The following NSUN6 variants were observed in gnomAD, a reference collection of about 807,000 sequenced individuals.
NSUN6 encodes NOP2/Sun RNA methyltransferase 6.
Under a neutral mutation model 58.0 loss-of-function variants are expected in NSUN6, and 64 were observed. The ratio of observed to expected loss-of-function variants is 1.10; its 90% CI spans 0.90 to 1.36. NSUN6 has a LOEUF of 1.36. NSUN6 is among the 40% of genes most tolerant of loss of function. The pLI, the probability that NSUN6 is intolerant of heterozygous loss-of-function variation, is 0.00. For missense variants in NSUN6, 701 were observed against 550.1 expected, an observed-to-expected ratio of 1.27 and a Z score of -2.74; for synonymous variants, 231 against 193.9, an observed-to-expected ratio of 1.19 and a Z score of -1.59.
intron 8 of NSUN6, among the ~76,000 whole-genome samples, chr10:18,564,157 GTCCATTCCATTT>G (rs2055750695): frequency 7.1e-6 from 1 of 140,094 alleles, no homozygotes; most frequent in African/African-American, 2.7e-5. Flanking sequence ...CTCCATTACA[GTCCATTCCATTT>G]TCCATTCCAT....
chr10:18,563,408 T>C (rs1188794049), intron 8 of NSUN6, among the ~76,000 whole-genome samples: 1 of 147,426 alleles, frequency 6.8e-6, no homozygotes, highest in African/African-American at 2.5e-5. Flanking sequence ...GAGAATGGTA[T>C]GGAACGGAAT....
upstream of NSUN6, chr10:18,652,973 C>T (rs905054822): frequency 1.0e-6 from 1 of 984,044 alleles, no homozygotes. Context: ...AGAGCCAATA[C>T]CTTGTCCTTG....
chr10:18,592,768 C>T (rs754018526), intron 7 of NSUN6, among the ~76,000 whole-genome samples: 1 of 152,116 alleles, frequency 6.6e-6, no homozygotes, highest in Non-Finnish European at 1.5e-5. Context: ...TAGAAGAAAA[C>T]CTAGGCATTA....
chr10:18,602,695 G>T (rs2057894674), intron 6 of NSUN6, among the ~76,000 whole-genome samples: 1 of 152,068 alleles, frequency 6.6e-6, no homozygotes. Flanking sequence ...ATACTCACGG[G>T]GCAGCCTGGC....
At chr10:18,581,507 G>T (rs2056902838) in intron 8 of NSUN6, among the ~76,000 whole-genome samples, 1 of 152,036 alleles carries the variant, frequency 6.6e-6, no homozygotes, top group African/African-American at 2.4e-5. Flanking sequence ...CCCTTGTTTA[G>T]CATATACTCA....
intron 8 of NSUN6, among the ~76,000 whole-genome samples, chr10:18,562,779 T>TAAGGG (rs2055624696): frequency 3.3e-5 from 1 of 30,034 alleles, no homozygotes; most frequent in Non-Finnish European, 6.4e-5. Context: ...ATGGAATGGA[T>TAAGGG]AATGGAATGG....
intron 7 of NSUN6, among the ~76,000 whole-genome samples, chr10:18,592,933 T>C (rs552200969): frequency 6.6e-6 from 1 of 152,142 alleles, no homozygotes; most frequent in South Asian, 2.1e-4. Context: ...AACCTACAGA[T>C]TGGGAGAAAA....
At chr10:18,552,789 A>G (rs752636279) in intron 8 of NSUN6, among the ~76,000 whole-genome samples, 7 of 137,268 alleles carry the variant, frequency 5.1e-5, no homozygotes, top group Non-Finnish European at 1.2e-4. Context: ...TCTCCATTCC[A>G]TTCTTCTCCA....
chr10:18,597,549 T>C (rs4285782), intron 6 of NSUN6, among the ~76,000 whole-genome samples: 45,607 of 151,922 alleles, frequency 0.3, 7,346 homozygotes, highest in African/African-American at 0.4. Context: ...GCGGGAGGAT[T>C]GCCTGAGGTC....
At chr10:18,619,443 A>C (rs1360687444) in intron 3 of NSUN6, among the ~76,000 whole-genome samples, 1 of 152,170 alleles carries the variant, frequency 6.6e-6, no homozygotes, top group Non-Finnish European at 1.5e-5. Flanking sequence ...ATTAACACTT[A>C]ATTGTTTAAA....
upstream of NSUN6, chr10:18,652,030 C>A: frequency 1.0e-6 from 1 of 985,384 alleles, no homozygotes; most frequent in Non-Finnish European, 1.2e-6. Context: ...CTCAGGCATA[C>A]AGATCTGACT....
At chr10:18,647,733 T>TG (rs2059588354) in intron 2 of NSUN6, among the ~76,000 whole-genome samples, 1 of 129,026 alleles carries the variant, frequency 7.8e-6, no homozygotes, top group Non-Finnish European at 1.7e-5. Flanking sequence ...TTGTTTTTTT[T>TG]TTTTTTTTTT....
At chr10:18,615,128 T>TACAC (rs1554876574) in intron 4 of NSUN6, among the ~76,000 whole-genome samples, 55 of 148,054 alleles carry the variant, frequency 3.7e-4, no homozygotes, top group African/African-American at 1.2e-3. Flanking sequence ...TATATATATA[T>TACAC]ACACACACAT....
upstream of NSUN6, among the ~76,000 whole-genome samples, chr10:18,656,321 G>A (rs1370857606): frequency 6.6e-6 from 1 of 152,152 alleles, no homozygotes; most frequent in African/African-American, 2.4e-5. Context: ...GGTGGATCAC[G>A]AGGTCAGGAG....
intron 3 of NSUN6, among the ~76,000 whole-genome samples, chr10:18,634,844 GAAA>G (rs879936590): frequency 6.7e-6 from 1 of 148,638 alleles, no homozygotes; most frequent in Non-Finnish European, 1.5e-5. Context: ...TGTGTTAACA[GAAA>G]AAAAAAAGTT....
chr10:18,567,749 T>C (rs974869212), intron 8 of NSUN6, among the ~76,000 whole-genome samples: 4 of 150,324 alleles, frequency 2.7e-5, no homozygotes, highest in African/African-American at 9.7e-5. Context: ...TTTCATTCCA[T>C]TCCTTTCTCC....
At chr10:18,593,167 C>G (rs541486127) in intron 7 of NSUN6, among the ~76,000 whole-genome samples, 52 of 152,142 alleles carry the variant, frequency 3.4e-4, no homozygotes, top group Non-Finnish European at 5.1e-4. Flanking sequence ...TACCATCTCA[C>G]GCCAGTTTGA....
chr10:18,646,269 T>C (rs968961265), intron 2 of NSUN6, among the ~76,000 whole-genome samples: 3 of 152,182 alleles, frequency 2.0e-5, no homozygotes, highest in African/African-American at 7.2e-5. Context: ...TATATCATCC[T>C]ATTCAGGACA....
At chr10:18,570,348 A>G (rs1039442335) in intron 8 of NSUN6, among the ~76,000 whole-genome samples, 9 of 145,560 alleles carry the variant, frequency 6.2e-5, no homozygotes, top group African/African-American at 2.3e-4. Context: ...TCCATTCCAT[A>G]TTCAATTCCA....
Sources: gnomAD v4.1 joint callset for allele counts (sites outside exome capture counted in the v4.1 genomes callset) on GRCh38, gnomAD v4.1.1 for gene constraint, MANE v1.5 for transcripts, NCBI Gene and HGNC (gene_info 2026-07-23, HGNC 2026-07-21) for gene names.